The following TYW1B variants were observed in gnomAD, a reference collection of about 807,000 sequenced individuals.
The protein encoded by TYW1B is tRNA-yW synthesizing protein 1 homolog B.
Under a neutral mutation model 86.9 loss-of-function variants are expected in TYW1B, and 73 were observed. That is an observed-to-expected ratio of 0.84 (90% CI 0.70 to 1.02). The LOEUF is 1.02. Ranked by LOEUF, TYW1B falls within the 50% of genes least tolerant of loss-of-function variation. TYW1B has a pLI of 0.00. For synonymous variants in TYW1B, 248 were observed against 292.8 expected (o/e 0.85, Z 1.56); for missense variants, 637 against 827.4 (o/e 0.77, Z 2.82).
At chr7:72,812,451 G>C (rs1788638661) in intron 3 of TYW1B, among the ~76,000 whole-genome samples, 1 of 152,088 alleles carries the variant, frequency 6.6e-6, no homozygotes. Flanking sequence ...TGATAGCCTG[G>C]TGTTTGAATT....
At chr7:72,589,931 G>A (rs1487591175) in intron 13 of TYW1B, among the ~76,000 whole-genome samples, 3 of 152,218 alleles carry the variant, frequency 2.0e-5, no homozygotes, top group African/African-American at 7.2e-5. Flanking sequence ...AAGGAAACTT[G>A]TAGGAAAAAG....
chr7:72,596,237 T>C (rs1811530776), intron 13 of TYW1B, among the ~76,000 whole-genome samples: 1 of 147,728 alleles, frequency 6.8e-6, no homozygotes, highest in Non-Finnish European at 1.5e-5. Flanking sequence ...ACCTACATAT[T>C]CAATACAGTA....
rs1788704845 is a variant in TYW1B at position 72,815,444 on chromosome 7, A to G, written c.173T>C (p.Leu58Pro). The change falls in exon 3 of 14, where the codon CTG becomes CCG. Residue 58 changes from leucine to proline, a missense_variant. By Grantham distance (98) the Leu-to-Pro change is moderately conservative. Coordinates refer to ENST00000620995, the MANE Select transcript of TYW1B (RefSeq NM_001145440.3). ...ATVLAEAVTS[L>P]DLPVAIINLK... ...ATTAATAATGGCCACAGGCAGATCC[A>G]GGGACGTAACTGCTTCAGCAAGAAC... The G allele has an allele frequency of 6.2e-7, 1 of 1,610,760 alleles. No homozygotes were observed. The highest frequency in any genetic ancestry group is 8.5e-7 in the Non-Finnish European group (1 of 1,179,416).
At position 72,713,819 on chromosome 7, in the gene TYW1B, G is replaced by C. The variant is rs537271262; in HGVS notation, c.1193-21C>G. The C allele has an allele frequency of 3.6e-5, 55 of 1,542,762 alleles. 1 individual carries two copies. The East Asian group carries it at 1.2e-3, about 33-fold the overall frequency. ...TACTCCTGGAGAATACAGTGAGAAG[G>C]ACCCAGCTACATAAGGCACAGATAG... On this transcript the variant is annotated intron_variant, in intron 9 of 13. Transcript: ENST00000620995.
chr7:72,646,493 C>A (rs1226505386), intron 11 of TYW1B, among the ~76,000 whole-genome samples: 1 of 151,884 alleles, frequency 6.6e-6, no homozygotes, highest in Non-Finnish European at 1.5e-5. Flanking sequence ...TGCCTCAGCC[C>A]CCCAAGCAGC....
At chr7:72,618,996 A>G (rs368682078) in intron 12 of TYW1B, among the ~76,000 whole-genome samples, 7 of 152,190 alleles carry the variant, frequency 4.6e-5, no homozygotes, top group African/African-American at 1.4e-4. Context: ...ACCACATTTC[A>G]TACTAACTCC....
chr7:72,815,532 A>T, intron 2 of TYW1B, 51 bp from the exon 3 acceptor site: 1 of 1,522,608 alleles, frequency 6.6e-7, no homozygotes, highest in East Asian at 2.3e-5. Flanking sequence ...AGCCAAATAT[A>T]GCCCTCATTT....
chr7:72,638,862 T>A (rs1337281782), intron 11 of TYW1B, among the ~76,000 whole-genome samples: 1 of 152,216 alleles, frequency 6.6e-6, no homozygotes, highest in Non-Finnish European at 1.5e-5. Context: ...AAACTGAATA[T>A]ATCGTCAATC....
intron 11 of TYW1B, among the ~76,000 whole-genome samples, chr7:72,651,569 C>A (rs1451695110): frequency 6.6e-6 from 1 of 152,054 alleles, no homozygotes; most frequent in Non-Finnish European, 1.5e-5. Context: ...GAGCCGAAAT[C>A]GCATCACTGC....
At chr7:72,714,003 A>C (rs1786728712) in intron 9 of TYW1B, among the ~76,000 whole-genome samples, 3 of 150,158 alleles carry the variant, frequency 2.0e-5, no homozygotes. Context: ...GGTACCAGTT[A>C]AACTACATCA....
chr7:72,701,206 T>C (rs1281865163), intron 10 of TYW1B, among the ~76,000 whole-genome samples: 1 of 152,214 alleles, frequency 6.6e-6, no homozygotes, highest in Non-Finnish European at 1.5e-5. Context: ...TTCAACTGTA[T>C]AGGACACATT....
At chr7:72,740,923 G>T (rs1294431240) in intron 8 of TYW1B, among the ~76,000 whole-genome samples, 1 of 151,666 alleles carries the variant, frequency 6.6e-6, no homozygotes, top group African/African-American at 2.4e-5. Flanking sequence ...GTAGAGACAG[G>T]GTTTCACTGT....
At chr7:72,740,136 G>A (rs1490770618) in intron 8 of TYW1B, among the ~76,000 whole-genome samples, 4 of 151,706 alleles carry the variant, frequency 2.6e-5, no homozygotes, top group East Asian at 1.9e-4. Context: ...AGGAGGCTGA[G>A]GCAGGAGAAT....
intron 9 of TYW1B, among the ~76,000 whole-genome samples, chr7:72,719,587 C>T (rs1239187729): frequency 7.5e-6 from 1 of 133,556 alleles, no homozygotes; most frequent in Non-Finnish European, 1.6e-5. Context: ...ACCGAGATCT[C>T]ACCACTGCAC....
At chr7:72,642,882 T>C (rs1176266688) in intron 11 of TYW1B, among the ~76,000 whole-genome samples, 3 of 151,950 alleles carry the variant, frequency 2.0e-5, no homozygotes, top group African/African-American at 7.3e-5. Flanking sequence ...GCCTGGGGAA[T>C]AGAGCGAGAC....
chr7:72,656,337 T>C (rs111949864), intron 11 of TYW1B, among the ~76,000 whole-genome samples: 4 of 151,838 alleles, frequency 2.6e-5, no homozygotes, highest in Admixed American at 2.0e-4. Flanking sequence ...ATCCATAAAA[T>C]TGGAAGAAGG....
chr7:72,705,652 G>A (rs1814592017), intron 10 of TYW1B, among the ~76,000 whole-genome samples: 2 of 152,154 alleles, frequency 1.3e-5, no homozygotes, highest in East Asian at 1.9e-4. Context: ...TAAATATGAA[G>A]ATAAGAGTTT....
At position 72,646,849 on chromosome 7, in the gene TYW1B, T is replaced by G. The variant is rs116810960; in HGVS notation, c.1507-17852A>C. ...AAGCTAAGATGATGGCTACAAGGAATTGGTTATATTATTCTCTCTCCTCTT... is the reference window on the plus strand; with the variant it reads ...AAGCTAAGATGATGGCTACAAGGAAGTGGTTATATTATTCTCTCTCCTCTT... On this transcript the variant is annotated intron_variant, in intron 11 of 13. Transcript: ENST00000620995. Among the ~76,000 whole-genome samples, 201 of 152,286 alleles carry G rather than the reference T, an allele frequency of 1.3e-3. 1 individual carries two copies. Among genetic ancestry groups the G allele is most frequent in the African/African-American group, 4.3e-3 (180 of 41,562 alleles).
chr7:72,809,882 C>T (rs560170584), intron 4 of TYW1B, among the ~76,000 whole-genome samples: 26 of 151,828 alleles, frequency 1.7e-4, no homozygotes, highest in Admixed American at 6.6e-4. Flanking sequence ...TGCCTGTAAT[C>T]CCAGCTACTC....
Sources: allele counts gnomAD v4.1 joint callset (sites outside exome capture counted in the v4.1 genomes callset), GRCh38; gene constraint gnomAD v4.1.1; transcripts MANE v1.5; gene names NCBI Gene and HGNC (gene_info 2026-07-23, HGNC 2026-07-21).